Variants in UNC79 observed in about 807,000 individuals in gnomAD.
UNC79 encodes unc-79 subunit of NALCN channel complex.
Under a neutral mutation model 283.1 loss-of-function variants are expected in UNC79, and 37 were observed. The ratio of observed to expected loss-of-function variants is 0.13; its 90% CI spans 0.10 to 0.17. The LOEUF (loss-of-function observed/expected upper bound fraction) is 0.17, where lower values mean the gene tolerates loss of function less well. Ranked by LOEUF, UNC79 falls within the 10% of genes least tolerant of loss-of-function variation. The pLI is 1.00. For synonymous variants in UNC79, 1,107 were observed against 1,200.2 expected, an observed-to-expected ratio of 0.92 and a Z score of 1.61; for missense variants, 2,272 against 3,211.1, an observed-to-expected ratio of 0.71 and a Z score of 7.07.
chr14:93,480,677 T>C (rs1184846247), intron 4 of UNC79, among the ~76,000 whole-genome samples: 1 of 152,212 alleles, frequency 6.6e-6, no homozygotes, highest in Non-Finnish European at 1.5e-5. Context: ...CAGAAGGATA[T>C]AGTTTCAGAT....
chr14:93,608,478 G>A (rs1839981387), intron 26 of UNC79, among the ~76,000 whole-genome samples: 1 of 152,198 alleles, frequency 6.6e-6, no homozygotes, highest in African/African-American at 2.4e-5. Context: ...AGGCAGGGAT[G>A]GGGATCATAG....
intron 1 of UNC79, among the ~76,000 whole-genome samples, chr14:93,342,989 A>C (rs950143816): frequency 6.6e-6 from 1 of 152,144 alleles, no homozygotes; most frequent in Non-Finnish European, 1.5e-5. Flanking sequence ...CATATATCAT[A>C]CTATCAGTAT....
At chr14:93,402,702 T>C (rs2055135664) in intron 1 of UNC79, among the ~76,000 whole-genome samples, 1 of 152,020 alleles carries the variant, frequency 6.6e-6, no homozygotes. Flanking sequence ...GGTTCTGAAA[T>C]ATTAATATCA....
rs768977063 is a variant in UNC79 at position 93,621,019 on chromosome 14, G to A, written c.4388-602G>A. 8 of 517,084 alleles carry A rather than the reference G, an allele frequency of 1.5e-5. No individual in the cohort carries two copies. The highest frequency in any genetic ancestry group is 2.0e-5 in the Admixed American group (1 of 51,192). The allele number at this position is 517,084 out of a possible 1,614,324, so 32.0% of individuals were successfully genotyped here. ...GCAGCAAAATGGTGAAATATCAGCC[G>A]GTTGAGATGAATGTTCAGAGAAGTA... On this transcript the variant is annotated intron_variant, in intron 29 of 48. Coordinates refer to ENST00000555664, the Ensembl canonical transcript of UNC79. This position sits in a 1 kb window ranked among gnomAD's most constrained non-coding sequence, Gnocchi z 4.8.
rs188076996 is a variant in UNC79, at chr14:93,680,853, A to T, written c.6742-1764A>T. Among the ~76,000 whole-genome samples, 144 of 152,294 alleles carry T rather than the reference A, an allele frequency of 9.5e-4. 1 individual carries two copies. Among genetic ancestry groups the T allele is most frequent in the African/African-American group, 3.4e-3 (140 of 41,566 alleles). Reference sequence around the variant, plus strand: ...TTTAAAATGAATTTTATGGGAAAACATGCAATCTCTACCAGGAGACTGGGT... The same window carrying T: ...TTTAAAATGAATTTTATGGGAAAACTTGCAATCTCTACCAGGAGACTGGGT... On this transcript the variant is annotated intron_variant, in intron 41 of 48. Coordinates refer to ENST00000555664, the Ensembl canonical transcript of UNC79.
chr14:93,681,164 T>G (rs2073816557), intron 41 of UNC79, among the ~76,000 whole-genome samples: 1 of 152,248 alleles, frequency 6.6e-6, no homozygotes, highest in Non-Finnish European at 1.5e-5. Flanking sequence ...TAACTGTATT[T>G]GAGGCAAATG....
intron 1 of UNC79, among the ~76,000 whole-genome samples, chr14:93,446,930 G>A (rs7156209): frequency 0.057 from 8,744 of 152,104 alleles, 884 homozygotes; most frequent in African/African-American, 0.2. Flanking sequence ...AATCTTCTAC[G>A]CATTTGCGGA....
At chr14:93,357,273 A>G (rs2054104369) in intron 1 of UNC79, among the ~76,000 whole-genome samples, 2 of 152,088 alleles carry the variant, frequency 1.3e-5, no homozygotes, top group South Asian at 4.1e-4. Context: ...TATCCAGTCC[A>G]CCACTAATGG....
At chr14:93,700,341 T>C (rs1358822278) in intron 47 of UNC79, among the ~76,000 whole-genome samples, 1 of 152,174 alleles carries the variant, frequency 6.6e-6, no homozygotes, top group East Asian at 1.9e-4. Context: ...ATATCAGCCA[T>C]TGTTTCTTCA....
intron 7 of UNC79, among the ~76,000 whole-genome samples, chr14:93,517,472 A>ATTTTT (rs34274004): frequency 6.8e-6 from 1 of 146,588 alleles, no homozygotes; most frequent in Admixed American, 6.8e-5. Context: ...TTTTTCATAG[A>ATTTTT]TTTTTTTTTT....
intron 14 of UNC79, among the ~76,000 whole-genome samples, chr14:93,557,908 T>C (rs2062267468): frequency 6.6e-6 from 1 of 152,176 alleles, no homozygotes; most frequent in Non-Finnish European, 1.5e-5. Flanking sequence ...CATGACATTA[T>C]CATGTGTCCT....
chr14:93,505,567 A>C (rs2059491590), intron 7 of UNC79, among the ~76,000 whole-genome samples: 2 of 152,106 alleles, frequency 1.3e-5, no homozygotes, highest in South Asian at 4.2e-4. Flanking sequence ...GTGTCTTGTA[A>C]TCAGCATATA....
chr14:93,412,794 A>G (rs2055361359), intron 1 of UNC79, among the ~76,000 whole-genome samples: 1 of 152,120 alleles, frequency 6.6e-6, no homozygotes, highest in Admixed American at 6.5e-5. Flanking sequence ...ATCCAGTGAA[A>G]ATATCCTTCA....
At chr14:93,505,411 A>G (rs1245612788) in intron 7 of UNC79, among the ~76,000 whole-genome samples, 1 of 152,092 alleles carries the variant, frequency 6.6e-6, no homozygotes, top group Admixed American at 6.5e-5. Flanking sequence ...TACAAAGTGC[A>G]TGTCTTTATC....
intron 14 of UNC79, among the ~76,000 whole-genome samples, chr14:93,564,447 G>A (rs2062753808): frequency 6.7e-6 from 1 of 149,632 alleles, no homozygotes; most frequent in Non-Finnish European, 1.5e-5. Context: ...GGTAACGGAT[G>A]GAGAAGAAAT....
At chr14:93,572,803 T>C (rs1176744603) in exon 16 of UNC79, 10 of 1,613,554 alleles carry the variant, frequency 6.2e-6, no homozygotes, top group Non-Finnish European at 8.5e-6. Flanking sequence ...GAGCAAGCTT[T>C]ACTGTGGCTT....
intron 2 of UNC79, 145 bp downstream of exon 2, chr14:93,467,936 C>T (rs1404808243): frequency 9.1e-7 from 1 of 1,093,484 alleles, no homozygotes; most frequent in African/African-American, 1.7e-5. Flanking sequence ...CTCAAGTTCT[C>T]TGGGTGTATG....
In UNC79 at chr14:93,347,849, T is replaced by TA. The variant is rs3215681; in HGVS notation, c.-351+14337dup. 3.0e-3 allele frequency among the ~76,000 whole-genome samples: 448 copies of TA among 148,384 alleles called. 1 individual carries two copies. The highest frequency in any genetic ancestry group is 8.4e-3 in the African/African-American group (343 of 40,668). ...GAGACCCCTTAGATGAAAAATGAATTAAAAAAAAAAATCAGGTGATCCATG... is the reference window on the plus strand; with the variant it reads ...GAGACCCCTTAGATGAAAAATGAATTAAAAAAAAAAAATCAGGTGATCCATG... On this transcript the variant is annotated intron_variant, in intron 1 of 49. Coordinates refer to the UNC79 transcript ENST00000256339.
At chr14:93,347,475 G>A in intron 1 of UNC79, 8 of 1,362,406 alleles carry the variant, frequency 5.9e-6, no homozygotes, top group Non-Finnish European at 6.6e-6. Context: ...GAGAAGGGAG[G>A]ACACGGCGTG....
Sources: allele counts gnomAD v4.1 joint callset (sites outside exome capture counted in the v4.1 genomes callset), GRCh38; gene constraint gnomAD v4.1.1; non-coding constraint Gnocchi (gnomAD v3.1); transcripts MANE v1.5; gene names NCBI Gene and HGNC (gene_info 2026-07-23, HGNC 2026-07-21).